Variants in SIK3 observed in about 807,000 individuals in gnomAD.
SIK3 encodes serine/threonine-protein kinase SIK3.
Under a neutral mutation model 144.2 loss-of-function variants are expected in SIK3, and 28 were observed. The ratio of observed to expected loss-of-function variants is 0.19; its 90% CI spans 0.14 to 0.27. SIK3 has a LOEUF of 0.27. SIK3 is among the 10% of genes least tolerant of loss of function. SIK3 has a pLI of 1.00. For synonymous variants in SIK3, 686 were observed against 676.3 expected (o/e 1.01, Z -0.22); for missense variants, 1,319 against 1,776.0 (o/e 0.74, Z 4.62).
chr11:116,970,571 A>G (rs1949731741), intron 1 of SIK3, among the ~76,000 whole-genome samples: 1 of 152,080 alleles, frequency 6.6e-6, no homozygotes, highest in Non-Finnish European at 1.5e-5. Flanking sequence ...GCTGCTCTCA[A>G]ACTCCCGGGC....
chr11:117,071,673 A>G (rs1954285828), intron 1 of SIK3, among the ~76,000 whole-genome samples: 1 of 152,094 alleles, frequency 6.6e-6, no homozygotes, highest in African/African-American at 2.4e-5. Context: ...GCTGGAATGC[A>G]GTGGTTTGAT....
intron 6 of SIK3, among the ~76,000 whole-genome samples, chr11:116,886,041 A>G (rs1944800148): frequency 6.6e-6 from 1 of 152,126 alleles, no homozygotes; most frequent in African/African-American, 2.4e-5. Context: ...TTATTTTTCT[A>G]TTTAGGGTTG....
At chr11:116,931,034 T>TA (rs968201074) in intron 3 of SIK3, among the ~76,000 whole-genome samples, 10 of 152,064 alleles carry the variant, frequency 6.6e-5, no homozygotes, top group East Asian at 3.9e-4. Flanking sequence ...TAAAACAAAG[T>TA]AAAAAAAAGT....
At chr11:117,044,544 T>A (rs1330776723) in intron 1 of SIK3, among the ~76,000 whole-genome samples, 2 of 151,692 alleles carry the variant, frequency 1.3e-5, no homozygotes, top group Non-Finnish European at 2.9e-5. Flanking sequence ...AGTATTTCCC[T>A]CCTCGGCTTT....
At chr11:117,077,711 G>GA (rs969584596) in intron 1 of SIK3, among the ~76,000 whole-genome samples, 16 of 149,654 alleles carry the variant, frequency 1.1e-4, no homozygotes, top group African/African-American at 2.2e-4. Flanking sequence ...TAGCATTGAG[G>GA]AAAAAAAAAA....
At chr11:116,993,876 T>A (rs775799224) in intron 1 of SIK3, among the ~76,000 whole-genome samples, 3 of 152,218 alleles carry the variant, frequency 2.0e-5, no homozygotes. Context: ...GCCAAGCAAG[T>A]GCCTTTTCCG....
rs539861549 is a variant in SIK3 at position 116,855,946 on chromosome 11, C to T, written c.3655+1864G>A. Among the ~76,000 whole-genome samples the T allele has an allele frequency of 4.6e-5, 7 of 152,282 alleles. 1 individual carries two copies. Among genetic ancestry groups the T allele is most frequent in the African/African-American group, 1.4e-4 (6 of 41,558 alleles). On this transcript the variant is annotated intron_variant, in intron 21 of 24. Transcript: ENST00000445177. ...GGCGCGGTGGCTCATGCCTGTAATC[C>T]CAGCACTTTGGGAGGCCAAGGCGTG...
chr11:116,862,043 T>A (rs778810548), intron 17 of SIK3, 117 bp from the exon 18 acceptor site: 1 of 1,272,282 alleles, frequency 7.9e-7, no homozygotes, highest in Non-Finnish European at 1.1e-6. Context: ...TATGCTTTTG[T>A]TGTTCACCAG....
At chr11:116,929,698 C>A (rs1393148826) in intron 3 of SIK3, among the ~76,000 whole-genome samples, 4 of 152,140 alleles carry the variant, frequency 2.6e-5, no homozygotes, top group Admixed American at 2.6e-4. Flanking sequence ...ATGCTATACC[C>A]AAAGAAAGAA....
Position 117,095,197 on chromosome 11 carries a change from A to T in SIK3, c.273+2946T>A, listed in dbSNP as rs891661441. Among the ~76,000 whole-genome samples the T allele has an allele frequency of 6.0e-4, 60 of 100,212 alleles. No individual in the cohort carries two copies. In the South Asian group the frequency reaches 0.014, roughly 23 times the overall value. 65.7% of individuals were successfully genotyped at this position (100,212 alleles called of 152,430 possible). A position where few individuals can be genotyped will look rare whatever the true frequency, so the allele number is the denominator to read the frequency against. ...TGGAATGGGTCATGTGTGTTTAAAA[A>T]AAAAAAAAAAAAAAAAAAGGAGGGG... On this transcript the variant is annotated intron_variant, in intron 1 of 24. Coordinates refer to ENST00000445177, the MANE Select transcript of SIK3 (RefSeq NM_001366686.3).
At chr11:116,937,319 G>A (rs978745912) in intron 3 of SIK3, among the ~76,000 whole-genome samples, 23 of 152,190 alleles carry the variant, frequency 1.5e-4, no homozygotes, top group African/African-American at 5.1e-4. Context: ...GAAAAGGTGT[G>A]GAAGCCAGAC....
chr11:117,065,599 A>ATCTT (rs34999185), intron 1 of SIK3, among the ~76,000 whole-genome samples: 44,207 of 151,606 alleles, frequency 0.29, 7,942 homozygotes, highest in African/African-American at 0.51. Flanking sequence ...CAAATTTAGT[A>ATCTT]TCTTCAATAT....
chr11:116,967,607 G>A (rs1390010843), intron 1 of SIK3, among the ~76,000 whole-genome samples: 1 of 152,146 alleles, frequency 6.6e-6, no homozygotes, highest in Admixed American at 6.6e-5. Context: ...CCAATTATTT[G>A]ACAATGAAGA....
chr11:117,098,354 C>A lies in SIK3; in HGVS notation c.62G>T (p.Gly21Val). Residue 21 changes from glycine to valine, a missense_variant, in exon 1 of 25, where the codon GGG (glycine) becomes GTG (valine). This residue lies in a region of SIK3 where 114 missense variants were observed against 116.2 expected (regional missense o/e 0.98). Transcript: ENST00000445177. Reference protein sequence around the residue: ...GAAGAGTGGAGPAGRLLPPPA... With the variant: ...GAAGAGTGGAVPAGRLLPPPA... ...CGGAGGCAGCAGGCGGCCCGCGGGC[C>A]CGGCTCCCCCAGTCCCGGCCCCGGC... is the stretch of plus-strand genomic sequence containing the variant. The A allele has an allele frequency of 8.6e-7, 1 of 1,156,308 alleles. No homozygotes were observed. Among genetic ancestry groups the A allele is most frequent in the Non-Finnish European group, 1.1e-6 (1 of 942,354 alleles). 71.6% of individuals were successfully genotyped at this position (1,156,308 alleles called of 1,614,324 possible). A position where few individuals can be genotyped will look rare whatever the true frequency, so the allele number is the denominator to read the frequency against.
chr11:116,926,012 C>T (rs755791831), intron 4 of SIK3, among the ~76,000 whole-genome samples: 4 of 152,148 alleles, frequency 2.6e-5, no homozygotes, highest in Non-Finnish European at 5.9e-5. Flanking sequence ...GGCTTATCTA[C>T]ACAAAAGCAA....
chr11:116,909,467 A>AT (rs1946223961), intron 4 of SIK3, among the ~76,000 whole-genome samples: 1 of 152,332 alleles, frequency 6.6e-6, no homozygotes, highest in South Asian at 2.1e-4. Context: ...CTGAGTGCCA[A>AT]TTACTACACA....
rs1019098528 is a variant in SIK3 at position 117,063,474 on chromosome 11, T to C, written c.273+34669A>G. ...TGTAACCAAACCGTAGAACCTAGTTTCCCTTTCTGAAAAGGTAAATAATCC... is the reference window on the plus strand; with the variant it reads ...TGTAACCAAACCGTAGAACCTAGTTCCCCTTTCTGAAAAGGTAAATAATCC... On this transcript the variant is annotated intron_variant, in intron 1 of 24. Coordinates refer to ENST00000445177, the MANE Select transcript of SIK3 (RefSeq NM_001366686.3). Among the ~76,000 whole-genome samples, 52 of 152,118 alleles carry C rather than the reference T, an allele frequency of 3.4e-4. 1 individual carries two copies. The highest frequency in any genetic ancestry group is 3.4e-3 in the Admixed American group (52 of 15,272).
chr11:117,042,414 T>G (rs138439465), intron 1 of SIK3, among the ~76,000 whole-genome samples: 5 of 152,200 alleles, frequency 3.3e-5, no homozygotes, highest in Non-Finnish European at 7.3e-5. Context: ...CACATCTACA[T>G]GTGTCTGGTT....
chr11:116,865,159 G>A (rs1353136285), intron 15 of SIK3: 1 of 152,164 alleles, frequency 6.6e-6, no homozygotes, highest in Non-Finnish European at 1.5e-5. Context: ...ACTTCAGGTT[G>A]AAGTAGAAGC....
Sources: allele counts gnomAD v4.1 joint callset (sites outside exome capture counted in the v4.1 genomes callset), GRCh38; gene constraint gnomAD v4.1.1; regional missense constraint gnomAD v4.1.1; transcripts MANE v1.5; gene names NCBI Gene and HGNC (gene_info 2026-07-23, HGNC 2026-07-21).